Variants in CFAP47 observed in about 807,000 individuals in gnomAD.
CFAP47 encodes cilia- and flagella-associated protein 47.
A neutral mutation model predicts 148.1 loss-of-function variants in CFAP47; 29 were observed. The observed-to-expected ratio is 0.20, with a 90% CI of 0.15 to 0.27. CFAP47 has a LOEUF of 0.27. CFAP47 is among the 10% of genes least tolerant of loss of function. CFAP47 has a pLI of 1.00. For missense variants in CFAP47, 1,872 were observed against 1,697.5 expected (o/e 1.10, Z -1.81); for synonymous variants, 664 against 577.3 (o/e 1.15, Z -2.15).
At chrX:36,363,211 T>A (rs1247757570) in intron 61 of CFAP47, among the ~76,000 whole-genome samples, 1 of 111,824 alleles carries the variant, frequency 8.9e-6, no homozygotes, top group African/African-American at 3.2e-5. Flanking sequence ...TTCTTTTGTA[T>A]ATACAGTCAT....
intron 3 of CFAP47, among the ~76,000 whole-genome samples, chrX:35,942,694 A>G (rs1414410138): frequency 9.0e-6 from 1 of 111,615 alleles, no homozygotes; most frequent in Non-Finnish European, 1.9e-5. Flanking sequence ...TCTTGTTCTA[A>G]AATCTCACCA....
At chrX:36,173,338 C>T (rs1939614940) in intron 39 of CFAP47, among the ~76,000 whole-genome samples, 1 of 111,535 alleles carries the variant, frequency 9.0e-6, no homozygotes, top group African/African-American at 3.3e-5. Context: ...TTGCCTTCTG[C>T]TAGCTTTTGG....
rs782010157 is a variant in CFAP47 at position 36,287,233 on chromosome X, T to A, written c.7686+1507T>A. ...AGGAATATATTATTTTAATAAATAA[T>A]GTACTTTTGAATAATGGCCCTTGTT... On this transcript the variant is annotated intron_variant, in intron 51 of 63. Coordinates refer to ENST00000378653, the MANE Select transcript of CFAP47 (RefSeq NM_001304548.2). Among the ~76,000 whole-genome samples the A allele has an allele frequency of 3.6e-5, 4 of 112,064 alleles. No individual in the cohort carries two copies. The South Asian group carries it at 1.5e-3, about 41-fold the overall frequency.
intron 61 of CFAP47, 41 bp downstream of exon 61, chrX:36,361,542 A>G: frequency 1.7e-6 from 1 of 601,882 alleles, no homozygotes; most frequent in African/African-American, 2.3e-5. Flanking sequence ...CAATAGTATT[A>G]CCCTTTTAAA....
At chrX:35,944,109 C>A (rs777897471) in intron 3 of CFAP47, among the ~76,000 whole-genome samples, 7 of 111,032 alleles carry the variant, frequency 6.3e-5, no homozygotes, top group Non-Finnish European at 1.1e-4. Context: ...CTGCCTTTTC[C>A]CCTAATCAGC....
intron 8 of CFAP47, among the ~76,000 whole-genome samples, chrX:35,958,526 C>A (rs1236127325): frequency 9.0e-6 from 1 of 111,662 alleles, no homozygotes; most frequent in Non-Finnish European, 1.9e-5. Flanking sequence ...TTACCCATAC[C>A]CTCCACCACA....
At chrX:36,136,662 G>A (rs887302247) in intron 33 of CFAP47, among the ~76,000 whole-genome samples, 2 of 110,214 alleles carry the variant, frequency 1.8e-5, no homozygotes, top group African/African-American at 3.3e-5. Context: ...TTGATTTTGG[G>A]AATCACTACA....
intron 30 of CFAP47, among the ~76,000 whole-genome samples, chrX:36,086,910 T>A (rs140621940): frequency 0.016 from 1,790 of 110,507 alleles, 46 homozygotes; most frequent in African/African-American, 0.056. Flanking sequence ...GACTAGGGAG[T>A]GGCTGAGTCA....
At chrX:36,140,718 A>T (rs1175198646) in intron 35 of CFAP47, among the ~76,000 whole-genome samples, 1 of 111,981 alleles carries the variant, frequency 8.9e-6, no homozygotes, top group East Asian at 2.8e-4. Flanking sequence ...AATGGACTTA[A>T]TTATTAATGC....
chrX:35,982,056 G>A (rs1414799074), intron 15 of CFAP47, among the ~76,000 whole-genome samples: 1 of 111,697 alleles, frequency 9.0e-6, no homozygotes, highest in African/African-American at 3.2e-5. Flanking sequence ...TGGGTCAAAT[G>A]GTATTTCTTT....
intron 33 of CFAP47, among the ~76,000 whole-genome samples, chrX:36,106,425 T>C (rs1489268444): frequency 9.0e-6 from 1 of 111,617 alleles, no homozygotes; most frequent in East Asian, 2.8e-4. Context: ...ACTGGGTAAT[T>C]TATAAAGATC....
intron 46 of CFAP47, among the ~76,000 whole-genome samples, chrX:36,232,039 A>G (rs1940370083): frequency 1.8e-5 from 2 of 111,301 alleles, no homozygotes; most frequent in Admixed American, 9.5e-5. Context: ...GGATTTTTGC[A>G]TCAATGTTCA....
intron 30 of CFAP47, among the ~76,000 whole-genome samples, chrX:36,097,366 G>C (rs1938296681): frequency 9.0e-6 from 1 of 110,881 alleles, no homozygotes; most frequent in Non-Finnish European, 1.9e-5. Context: ...ATTACTTATG[G>C]TTTATTATTG....
At chrX:36,120,084 C>T (rs1416864488) in intron 33 of CFAP47, among the ~76,000 whole-genome samples, 1 of 109,455 alleles carries the variant, frequency 9.1e-6, no homozygotes, top group Non-Finnish European at 1.9e-5. Context: ...CAAGCTCCGC[C>T]TCCCAGGTTC....
chrX:36,257,857 A>G (rs1379846456), intron 49 of CFAP47, among the ~76,000 whole-genome samples: 1 of 111,964 alleles, frequency 8.9e-6, no homozygotes, highest in Non-Finnish European at 1.9e-5. Context: ...ATACTAAAAA[A>G]CTAAATACAA....
At chrX:36,171,240 T>G (rs1160723356) in intron 39 of CFAP47, among the ~76,000 whole-genome samples, 2 of 107,606 alleles carry the variant, frequency 1.9e-5, no homozygotes, top group African/African-American at 6.9e-5. Flanking sequence ...TCTCCCATTT[T>G]GTAGGTTGCC....
At chrX:36,079,806 G>T (rs2146770104) in intron 29 of CFAP47, among the ~76,000 whole-genome samples, 1 of 111,610 alleles carries the variant, frequency 9.0e-6, no homozygotes, top group African/African-American at 3.3e-5. Context: ...TTAAATGTTA[G>T]ACCTAAAACC....
At chrX:35,971,041 T>G in intron 11 of CFAP47, 118 bp downstream of exon 11, 1 of 520,595 alleles carries the variant, frequency 1.9e-6, no homozygotes, top group Non-Finnish European at 3.1e-6. Flanking sequence ...TTTCAATACG[T>G]GATAAAAGCA....
intron 22 of CFAP47, among the ~76,000 whole-genome samples, chrX:36,019,291 T>G (rs1292026197): frequency 8.9e-6 from 1 of 111,947 alleles, no homozygotes; most frequent in Non-Finnish European, 1.9e-5. Context: ...TAAGAGGTCC[T>G]GAGTAAACAT....
Sources: allele counts gnomAD v4.1 joint callset (sites outside exome capture counted in the v4.1 genomes callset), GRCh38; gene constraint gnomAD v4.1.1; transcripts MANE v1.5; gene names NCBI Gene and HGNC (gene_info 2026-07-23, HGNC 2026-07-21).